The following SRFBP1 variants were observed in gnomAD, a reference collection of about 807,000 sequenced individuals.
SRFBP1 encodes the protein serum response factor binding protein 1.
Under a neutral mutation model 45.5 loss-of-function variants are expected in SRFBP1, and 47 were observed. The ratio of observed to expected loss-of-function variants is 1.03; its 90% CI spans 0.82 to 1.32. The LOEUF (loss-of-function observed/expected upper bound fraction) is 1.32, where lower values mean the gene tolerates loss of function less well. Among genes scored for constraint, SRFBP1 ranks in the 40% most tolerant of loss-of-function variants. The pLI, the probability that SRFBP1 is intolerant of heterozygous loss-of-function variation, is 0.00. For missense variants in SRFBP1, 621 were observed against 484.6 expected (o/e 1.28, Z -2.64); for synonymous variants, 203 against 166.3 (o/e 1.22, Z -1.70).
intron 4 of SRFBP1, among the ~76,000 whole-genome samples, chr5:121,997,327 A>G (rs1445686007): frequency 6.0e-5 from 9 of 150,148 alleles, no homozygotes; most frequent in Non-Finnish European, 4.4e-5. Context: ...ATGTAGATCA[A>G]TGGAACAGAA....
At chr5:122,011,810 A>T (rs960283823) in intron 4 of SRFBP1, among the ~76,000 whole-genome samples, 6 of 151,852 alleles carry the variant, frequency 4.0e-5, no homozygotes, top group African/African-American at 1.5e-4. Flanking sequence ...TGTTCTACTC[A>T]TTCTTGTGAG....
rs1164565225 is a variant in SRFBP1, at chr5:122,043,582, G to C, written n.311+21175G>C. ...CTCTCAGTCACATTGTCATTTTATA[G>C]GCAACTTTTGTGTGTGTCACTGATT... On this transcript the variant is annotated intron_variant and non_coding_transcript_variant, in intron 2 of 2. Coordinates refer to the SRFBP1 transcript ENST00000504881. Among the ~76,000 whole-genome samples the C allele has an allele frequency of 3.3e-5, 5 of 152,066 alleles. No individual in the cohort carries two copies. In the East Asian group the frequency reaches 9.6e-4, roughly 29 times the overall value.
intron 2 of SRFBP1, among the ~76,000 whole-genome samples, chr5:122,054,474 C>G (rs575074553): frequency 1.3e-5 from 2 of 152,262 alleles, no homozygotes; most frequent in South Asian, 2.1e-4. Context: ...TGTTCACTAG[C>G]TCTTTTGTTT....
downstream of SRFBP1, chr5:122,077,783 C>G (rs994242735): frequency 3.2e-5 from 50 of 1,548,718 alleles, no homozygotes; most frequent in Non-Finnish European, 4.3e-5. This position sits in a 1 kb window ranked among gnomAD's most constrained non-coding sequence, Gnocchi z 4.9. Context: ...GTCCCGGCGG[C>G]GCTGAGGCTG....
chr5:122,022,921 T>G (rs1000589844), intron 7 of SRFBP1, among the ~76,000 whole-genome samples: 4 of 152,234 alleles, frequency 2.6e-5, no homozygotes, highest in African/African-American at 9.6e-5. Context: ...TCCACTGTGA[T>G]GAATTAGCAG....
intron 2 of SRFBP1, among the ~76,000 whole-genome samples, chr5:122,057,650 A>C (rs1246204904): frequency 6.6e-6 from 1 of 151,938 alleles, no homozygotes; most frequent in Non-Finnish European, 1.5e-5. Flanking sequence ...TTAAAAAAAA[A>C]AAAAATACTG....
intron 4 of SRFBP1, among the ~76,000 whole-genome samples, chr5:121,998,615 T>C (rs1325455367): frequency 6.7e-6 from 1 of 149,852 alleles, no homozygotes; most frequent in East Asian, 2.0e-4. Flanking sequence ...TGTATACATA[T>C]GTAAGTAACC....
At chr5:122,013,037 C>G (rs1753125517) in intron 4 of SRFBP1, among the ~76,000 whole-genome samples, 1 of 152,022 alleles carries the variant, frequency 6.6e-6, no homozygotes, top group Non-Finnish European at 1.5e-5. Flanking sequence ...TTTCTCATTT[C>G]TGTAATAAAG....
intron 3 of SRFBP1, among the ~76,000 whole-genome samples, chr5:121,993,373 T>G (rs552172649): frequency 6.6e-6 from 1 of 152,312 alleles, no homozygotes; most frequent in South Asian, 2.1e-4. Flanking sequence ...TAGAAGATTC[T>G]GATGGTCTTG....
intron 2 of SRFBP1, among the ~76,000 whole-genome samples, chr5:122,057,073 T>A (rs141210160): frequency 2.6e-3 from 397 of 152,330 alleles, no homozygotes; most frequent in Admixed American, 4.6e-3. Flanking sequence ...GCATGTAATA[T>A]AACCACCTTG....
At position 122,017,593 on chromosome 5, in the gene SRFBP1, G is replaced by A. The variant is rs141729220; in HGVS notation, c.271-1667G>A. The stretch of plus-strand genomic sequence containing the variant: ...GTGGATGTGAATTTTGAGGGGACGC[G>A]ATTCAACCTAGTACACAAGGTAATT... On this transcript the variant is annotated intron_variant, in intron 4 of 7. Transcript: ENST00000339397. 1.8e-4 allele frequency among the ~76,000 whole-genome samples: 28 copies of A among 152,244 alleles called. No individual in the cohort carries two copies. The East Asian group carries it at 3.1e-3, about 17-fold the overall frequency.
intron 2 of SRFBP1, among the ~76,000 whole-genome samples, chr5:122,055,914 G>C (rs752133456): frequency 3.5e-4 from 53 of 152,090 alleles, no homozygotes; most frequent in Non-Finnish European, 1.5e-4. Flanking sequence ...AATTTTATTT[G>C]TTTCCTGTTT....
chr5:122,017,383 A>C (rs942043556), intron 4 of SRFBP1, among the ~76,000 whole-genome samples: 37 of 152,170 alleles, frequency 2.4e-4, no homozygotes, highest in African/African-American at 8.9e-4. Context: ...GGATAACTCC[A>C]ATCTTTGCCC....
chr5:122,064,946 G>GT (rs1284333172), intron 2 of SRFBP1: 9 of 151,998 alleles, frequency 5.9e-5, no homozygotes, highest in Admixed American at 2.0e-4. Context: ...ACTGACAGTA[G>GT]TTTTTTTGTT....
intron 3 of SRFBP1, among the ~76,000 whole-genome samples, chr5:121,991,405 T>G (rs756915192): frequency 3.3e-5 from 5 of 152,118 alleles, no homozygotes; most frequent in Non-Finnish European, 7.3e-5. Context: ...TCAGAGCAGT[T>G]AGAGAAATAA....
intron 3 of SRFBP1, among the ~76,000 whole-genome samples, chr5:121,988,393 T>A (rs1752558026): frequency 6.6e-6 from 1 of 152,206 alleles, no homozygotes; most frequent in African/African-American, 2.4e-5. Context: ...AAGGCTGTTA[T>A]ACTCACAAAA....
chr5:121,971,703 C>A (rs1752202229), intron 1 of SRFBP1, among the ~76,000 whole-genome samples: 1 of 151,916 alleles, frequency 6.6e-6, no homozygotes, highest in South Asian at 2.1e-4. Flanking sequence ...CTTGGGACTG[C>A]CCCCTCAACT....
At chr5:122,067,760 G>A (rs1754337521) in intron 2 of SRFBP1, among the ~76,000 whole-genome samples, 2 of 152,098 alleles carry the variant, frequency 1.3e-5, no homozygotes, top group South Asian at 4.1e-4. Flanking sequence ...AACATGCCCT[G>A]CAGTTTCCTC....
intron 4 of SRFBP1, among the ~76,000 whole-genome samples, chr5:121,995,899 A>G (rs1350222652): frequency 6.6e-6 from 1 of 152,214 alleles, no homozygotes; most frequent in East Asian, 1.9e-4. Flanking sequence ...ACGCAAATAA[A>G]TTAGAAAATC....
Sources: allele counts gnomAD v4.1 joint callset (sites outside exome capture counted in the v4.1 genomes callset), GRCh38; gene constraint gnomAD v4.1.1; non-coding constraint Gnocchi (gnomAD v3.1); transcripts MANE v1.5; gene names NCBI Gene and HGNC (gene_info 2026-07-23, HGNC 2026-07-21).